Variants in FOXP1 observed in about 807,000 individuals in gnomAD.
The protein encoded by FOXP1 is forkhead box protein P1.
FOXP1 carries 15 observed loss-of-function variants against 98.2 expected under a neutral mutation model. The observed-to-expected ratio is 0.15, with a 90% CI of 0.10 to 0.24. The LOEUF is 0.24. FOXP1 is among the 10% of genes least tolerant of loss of function. The probability of loss-of-function intolerance (pLI) is 1.00; values close to 1 mark genes in which losing one functional copy is unlikely to be tolerated. For missense variants in FOXP1, 633 were observed against 848.5 expected (o/e 0.75, Z 3.15); for synonymous variants, 371 against 314.5 (o/e 1.18, Z -1.90).
intron 7 of FOXP1, among the ~76,000 whole-genome samples, chr3:71,059,775 C>A (rs2051217473): frequency 6.6e-6 from 1 of 151,958 alleles, no homozygotes; most frequent in Admixed American, 6.6e-5. Context: ...AGGACTATTC[C>A]AAGAAGGTAC....
intron 7 of FOXP1, among the ~76,000 whole-genome samples, chr3:71,086,572 G>A (rs556977696): frequency 6.6e-6 from 1 of 152,146 alleles, no homozygotes; most frequent in Admixed American, 6.5e-5. Context: ...CAGAGATAAC[G>A]GCTCCCATCC....
intron 6 of FOXP1, among the ~76,000 whole-genome samples, chr3:71,174,597 G>C (rs777588950): frequency 6.6e-6 from 1 of 152,116 alleles, no homozygotes; most frequent in East Asian, 1.9e-4. Flanking sequence ...TACCCCACAA[G>C]ACTGTTTCTG....
Position 70,977,733 on chromosome 3 carries a change from A to T in FOXP1, c.1349-11T>A. On this transcript the variant is annotated splice_polypyrimidine_tract_variant and intron_variant, in intron 15 of 20. Transcript: ENST00000649528. ...TCTGCGCAATATCTGCTGAATAAGA[A>T]TCATTGTCCTATTAATTATCACTTT... The T allele has an allele frequency of 6.2e-7, 1 of 1,613,838 alleles. No individual in the cohort carries two copies. Among genetic ancestry groups the T allele is most frequent in the East Asian group, 2.2e-5 (1 of 44,882 alleles).
At chr3:71,099,787 A>T (rs1257281496) in intron 7 of FOXP1, among the ~76,000 whole-genome samples, 2 of 152,104 alleles carry the variant, frequency 1.3e-5, no homozygotes, top group African/African-American at 2.4e-5. Context: ...CTCCCCCAAC[A>T]TATTCTGACA....
chr3:71,353,982 C>T (rs1455573790), intron 4 of FOXP1, among the ~76,000 whole-genome samples: 3 of 151,850 alleles, frequency 2.0e-5, no homozygotes, highest in Non-Finnish European at 2.9e-5. Context: ...TTTTCAGGAC[C>T]GACACATCAA....
chr3:71,387,632 T>G (rs2080691783), intron 3 of FOXP1, among the ~76,000 whole-genome samples: 1 of 152,252 alleles, frequency 6.6e-6, no homozygotes, highest in African/African-American at 2.4e-5. Context: ...ATCAACTTCT[T>G]GCTGTGCGTA....
chr3:70,960,450 C>T (rs1275471062), intron 20 of FOXP1, among the ~76,000 whole-genome samples: 4 of 152,138 alleles, frequency 2.6e-5, no homozygotes, highest in Admixed American at 2.0e-4. Flanking sequence ...CACACAAAAC[C>T]GCTCGGATAA....
intron 19 of FOXP1, chr3:70,966,375 AGAG>A (rs1218008917): frequency 2.4e-5 from 9 of 376,302 alleles, no homozygotes; most frequent in Non-Finnish European, 2.0e-5. Context: ...TGCGTTTTTA[AGAG>A]GAGCTGAATA....
At chr3:71,345,741 C>T (rs1034078901) in intron 4 of FOXP1, among the ~76,000 whole-genome samples, 2 of 151,714 alleles carry the variant, frequency 1.3e-5, no homozygotes, top group Non-Finnish European at 2.9e-5. Context: ...TGAGAGCAGG[C>T]GGCATTCTTC....
At chr3:71,301,405 CA>C (rs1417422068) in intron 4 of FOXP1, among the ~76,000 whole-genome samples, 1 of 152,166 alleles carries the variant, frequency 6.6e-6, no homozygotes, top group Non-Finnish European at 1.5e-5. Flanking sequence ...CCACTCTACA[CA>C]AATCAGAGCT....
At chr3:71,325,509 A>G (rs2075639073) in intron 4 of FOXP1, among the ~76,000 whole-genome samples, 1 of 152,182 alleles carries the variant, frequency 6.6e-6, no homozygotes, top group Non-Finnish European at 1.5e-5. Context: ...ACATGGATTA[A>G]AAGTAAGAAA....
chr3:71,163,646 A>C (rs1406380048), intron 6 of FOXP1, among the ~76,000 whole-genome samples: 1 of 152,172 alleles, frequency 6.6e-6, no homozygotes, highest in East Asian at 1.9e-4. Context: ...ATTTTCTCAC[A>C]TTTCAGAACA....
chr3:71,136,985 C>T (rs2059849348), intron 6 of FOXP1, among the ~76,000 whole-genome samples: 1 of 152,198 alleles, frequency 6.6e-6, no homozygotes, highest in South Asian at 2.1e-4. Flanking sequence ...TGCCAGATCT[C>T]AGCTTCCTTT....
intron 3 of FOXP1, among the ~76,000 whole-genome samples, chr3:71,413,259 G>GACACACACACACAC (rs528319234): frequency 0.045 from 2,876 of 64,280 alleles, 62 homozygotes; most frequent in Middle Eastern, 0.088. Context: ...CCCCCAAATA[G>GACACACACACACAC]ACACACACAC....
intron 3 of FOXP1, among the ~76,000 whole-genome samples, chr3:71,432,963 T>C (rs187783554): frequency 0.014 from 2,194 of 152,128 alleles, 63 homozygotes; most frequent in African/African-American, 0.049. Flanking sequence ...ACAAAATAAT[T>C]TGAATGATTC....
chr3:71,374,359 C>T (rs574011901), intron 3 of FOXP1, among the ~76,000 whole-genome samples: 12 of 152,166 alleles, frequency 7.9e-5, no homozygotes, highest in East Asian at 7.7e-4. Flanking sequence ...TTTAGGAGGC[C>T]GAGGCAGGCA....
chr3:71,153,122 G>A (rs1025137598), intron 6 of FOXP1, among the ~76,000 whole-genome samples: 6 of 152,112 alleles, frequency 3.9e-5, no homozygotes, highest in East Asian at 1.9e-4. Flanking sequence ...TCTGTTTACC[G>A]ACCAGTTAAA....
chr3:71,328,974 T>TAAAAAAAAA (rs869252301), intron 4 of FOXP1, among the ~76,000 whole-genome samples: 1,255 of 31,152 alleles, frequency 0.04, 182 homozygotes, highest in East Asian at 0.16. Context: ...TCCATCTCGC[T>TAAAAAAAAA]AAAAAAAAAA....
intron 12 of FOXP1, among the ~76,000 whole-genome samples, chr3:71,010,037 T>A: frequency 6.6e-6 from 1 of 151,234 alleles, no homozygotes; most frequent in East Asian, 1.9e-4. Context: ...ATTACAGGGG[T>A]AAACCACCTG....
Sources: allele counts gnomAD v4.1 joint callset (sites outside exome capture counted in the v4.1 genomes callset), GRCh38; gene constraint gnomAD v4.1.1; transcripts MANE v1.5; gene names NCBI Gene and HGNC (gene_info 2026-07-23, HGNC 2026-07-21).